CLYBL: variants seen among roughly 807,000 people sequenced by gnomAD.
CLYBL encodes the protein citramalyl-CoA lyase, also known as citramalyl-CoA lyase, mitochondrial.
CLYBL carries 31 observed loss-of-function variants against 38.9 expected under a neutral mutation model. The observed-to-expected ratio is 0.80, with a 90% CI of 0.60 to 1.08. The LOEUF is 1.08. Ranked by LOEUF, CLYBL falls within the 50% of genes least tolerant of loss-of-function variation. The pLI is 0.00. For missense variants in CLYBL, 434 were observed against 411.6 expected, an observed-to-expected ratio of 1.05 and a Z score of -0.47; for synonymous variants, 171 against 158.6, an observed-to-expected ratio of 1.08 and a Z score of -0.59.
chr13:99,635,440 G>A (rs902170310), intron 1 of CLYBL, among the ~76,000 whole-genome samples: 1 of 152,016 alleles, frequency 6.6e-6, no homozygotes, highest in Non-Finnish European at 1.5e-5. Context: ...ACATGTGAGG[G>A]TCCACCCTCA....
chr13:99,794,536 T>C (rs569224901), intron 2 of CLYBL, among the ~76,000 whole-genome samples: 1 of 151,428 alleles, frequency 6.6e-6, no homozygotes, highest in Non-Finnish European at 1.5e-5. Flanking sequence ...TTTTTAAAAA[T>C]TTCATTTGCC....
chr13:99,670,502 G>A (rs1158902608), intron 1 of CLYBL, among the ~76,000 whole-genome samples: 2 of 152,066 alleles, frequency 1.3e-5, no homozygotes, highest in East Asian at 1.9e-4. Context: ...TTCTAGACAC[G>A]TGCTCTAAAA....
intron 2 of CLYBL, among the ~76,000 whole-genome samples, chr13:99,786,581 C>A (rs2049801101): frequency 6.6e-6 from 1 of 152,088 alleles, no homozygotes; most frequent in Admixed American, 6.6e-5. Flanking sequence ...GTATATGTGC[C>A]ACATTTTCTT....
chr13:99,697,420 A>G (rs2139447338), intron 1 of CLYBL, among the ~76,000 whole-genome samples: 1 of 152,292 alleles, frequency 6.6e-6, no homozygotes, highest in South Asian at 2.1e-4. Flanking sequence ...TCTGTCACCC[A>G]GGCTGGAGTG....
In CLYBL at chr13:99,830,569, G is replaced by C. The variant is rs142659777; in HGVS notation, c.250-28292G>C. 2.5e-3 allele frequency among the ~76,000 whole-genome samples: 380 copies of C among 152,264 alleles called. 1 individual carries two copies. In the Middle Eastern group the frequency reaches 0.037, roughly 15 times the overall value. On this transcript the variant is annotated intron_variant, in intron 2 of 8. Transcript: ENST00000339105. Reference sequence around the variant, plus strand: ...TTGCCCCAAGTTACCTCTAAGTTCTGTCCAACTCAACTACTCTGTGAGTCT... The same window carrying C: ...TTGCCCCAAGTTACCTCTAAGTTCTCTCCAACTCAACTACTCTGTGAGTCT...
intron 1 of CLYBL, among the ~76,000 whole-genome samples, chr13:99,653,721 C>G (rs2047288449): frequency 6.6e-6 from 1 of 151,936 alleles, no homozygotes; most frequent in Non-Finnish European, 1.5e-5. Flanking sequence ...ACTTTTGAGT[C>G]TCATAATTGT....
At chr13:99,893,415 G>A (rs2052529273), downstream of CLYBL, 1 of 152,388 alleles carries the variant, frequency 6.6e-6, no homozygotes, top group South Asian at 2.1e-4. Context: ...AGAGGGATGG[G>A]AGGATGGCTT....
chr13:99,841,351 C>T (rs1009748967), intron 2 of CLYBL, among the ~76,000 whole-genome samples: 27 of 152,102 alleles, frequency 1.8e-4, no homozygotes, highest in African/African-American at 6.0e-4. Context: ...GACTGAGGTA[C>T]CTATAATGAA....
chr13:99,673,338 G>A (rs1005277288), intron 1 of CLYBL, among the ~76,000 whole-genome samples: 1 of 152,010 alleles, frequency 6.6e-6, no homozygotes, highest in African/African-American at 2.4e-5. Context: ...ACTTGAACCC[G>A]GGAGGCAGAG....
At chr13:99,824,356 T>TA (rs1445297071) in intron 2 of CLYBL, among the ~76,000 whole-genome samples, 1 of 145,246 alleles carries the variant, frequency 6.9e-6, no homozygotes, top group Non-Finnish European at 1.5e-5. Context: ...TGTACAGAGA[T>TA]ATGTATTATA....
At chr13:99,763,715 C>T (rs955075752) in intron 1 of CLYBL, among the ~76,000 whole-genome samples, 13 of 151,842 alleles carry the variant, frequency 8.6e-5, no homozygotes, top group Admixed American at 2.0e-4. Context: ...CCACCACGCC[C>T]GGCTAATTTT....
intron 2 of CLYBL, among the ~76,000 whole-genome samples, chr13:99,857,745 T>C (rs1163822853): frequency 1.3e-5 from 2 of 152,246 alleles, no homozygotes; most frequent in African/African-American, 4.8e-5. Context: ...AATAATTCTT[T>C]TTTGTCTCTG....
At chr13:99,621,771 C>G (rs4772224) in intron 1 of CLYBL, among the ~76,000 whole-genome samples, 38,978 of 147,710 alleles carry the variant, frequency 0.26, 6,138 homozygotes, top group East Asian at 0.58. Flanking sequence ...TTTTTTTTCC[C>G]TTTAGCTTAT....
At chr13:99,639,674 C>G (rs1284056594) in intron 1 of CLYBL, among the ~76,000 whole-genome samples, 1 of 152,130 alleles carries the variant, frequency 6.6e-6, no homozygotes, top group African/African-American at 2.4e-5. Context: ...AGGAGGATTG[C>G]TTGAGGCCAG....
chr13:99,667,198 T>C (rs191886589), intron 1 of CLYBL, among the ~76,000 whole-genome samples: 3 of 152,270 alleles, frequency 2.0e-5, no homozygotes, highest in South Asian at 2.1e-4. Flanking sequence ...TCTAGTAGAA[T>C]GTGGTGGGAA....
At chr13:99,610,232 C>A (rs975997691) in intron 1 of CLYBL, among the ~76,000 whole-genome samples, 1 of 152,180 alleles carries the variant, frequency 6.6e-6, no homozygotes, top group African/African-American at 2.4e-5. Flanking sequence ...AGTTTCCTTT[C>A]GTTTTTTGAA....
intron 1 of CLYBL, among the ~76,000 whole-genome samples, chr13:99,715,231 G>A (rs2048294363): frequency 6.6e-6 from 1 of 152,046 alleles, no homozygotes; most frequent in Non-Finnish European, 1.5e-5. Flanking sequence ...TTCCATACCT[G>A]GACTTTCACT....
chr13:99,701,887 G>C (rs1001271500), intron 1 of CLYBL, among the ~76,000 whole-genome samples: 9 of 151,956 alleles, frequency 5.9e-5, no homozygotes, highest in African/African-American at 1.7e-4. Flanking sequence ...GGCCAGGCTG[G>C]TCTCAAACTC....
intron 1 of CLYBL, among the ~76,000 whole-genome samples, chr13:99,737,365 G>A (rs1405057010): frequency 1.3e-5 from 2 of 152,090 alleles, no homozygotes. Context: ...CTTCGTCAAG[G>A]GTTTTACATG....
Sources: allele counts gnomAD v4.1 joint callset (sites outside exome capture counted in the v4.1 genomes callset), GRCh38; gene constraint gnomAD v4.1.1; transcripts MANE v1.5; gene names NCBI Gene and HGNC (gene_info 2026-07-23, HGNC 2026-07-21).